The following KCNIP4 variants were observed in gnomAD, a reference collection of about 807,000 sequenced individuals.
KCNIP4 encodes potassium voltage-gated channel interacting protein 4.
Under a neutral mutation model 34.0 loss-of-function variants are expected in KCNIP4, and 12 were observed. The observed-to-expected ratio is 0.35, with a 90% CI of 0.23 to 0.57. The LOEUF is 0.57. KCNIP4 is among the 20% of genes least tolerant of loss of function. KCNIP4 has a pLI of 0.83. For synonymous variants in KCNIP4, 124 were observed against 102.2 expected (o/e 1.21, Z -1.29); for missense variants, 238 against 311.7 (o/e 0.76, Z 1.78).
chr4:20,939,465 C>T (rs1731412642), intron 1 of KCNIP4, among the ~76,000 whole-genome samples: 1 of 152,010 alleles, frequency 6.6e-6, no homozygotes, highest in Admixed American at 6.6e-5. Context: ...CCTCTGCCTC[C>T]CAGGTTCAAG....
intron 1 of KCNIP4, among the ~76,000 whole-genome samples, chr4:21,384,612 C>T (rs781227850): frequency 3.3e-5 from 5 of 152,212 alleles, no homozygotes; most frequent in African/African-American, 9.7e-5. Context: ...TGTAAGAACA[C>T]ATTGAACATT....
intron 1 of KCNIP4, among the ~76,000 whole-genome samples, chr4:21,466,728 C>G (rs1729973056): frequency 6.6e-6 from 1 of 152,124 alleles, no homozygotes; most frequent in South Asian, 2.1e-4. Context: ...CAGATAACGT[C>G]TCCTAATGGG....
At chr4:21,736,983 G>A (rs1412080426) in intron 1 of KCNIP4, among the ~76,000 whole-genome samples, 1 of 152,050 alleles carries the variant, frequency 6.6e-6, no homozygotes, top group Non-Finnish European at 1.5e-5. Flanking sequence ...TGAGAATGAT[G>A]TTGTGCACAT....
At chr4:21,450,035 T>A (rs1728381611) in intron 1 of KCNIP4, among the ~76,000 whole-genome samples, 1 of 152,160 alleles carries the variant, frequency 6.6e-6, no homozygotes, top group Non-Finnish European at 1.5e-5. Flanking sequence ...TACAGAGTTA[T>A]TTCCTCTTCA....
At chr4:21,926,388 G>A (rs891222437) in intron 1 of KCNIP4, among the ~76,000 whole-genome samples, 1 of 152,236 alleles carries the variant, frequency 6.6e-6, no homozygotes, top group South Asian at 2.1e-4. Flanking sequence ...AGAGAGTTCA[G>A]TTTTCAGAGC....
chr4:20,808,368 G>A (rs1026587800), intron 3 of KCNIP4, among the ~76,000 whole-genome samples: 1 of 152,166 alleles, frequency 6.6e-6, no homozygotes, highest in African/African-American at 2.4e-5. Flanking sequence ...GACATAATTT[G>A]TCACAACCCA....
chr4:21,131,912 C>T (rs1306112409), intron 1 of KCNIP4, among the ~76,000 whole-genome samples: 2 of 152,132 alleles, frequency 1.3e-5, no homozygotes, highest in Non-Finnish European at 2.9e-5. Context: ...AAAGAATTTA[C>T]CTTCCAGGTA....
At chr4:21,372,431 GATGTGTATAT>G (rs1720550480) in intron 1 of KCNIP4, among the ~76,000 whole-genome samples, 1 of 81,592 alleles carries the variant, frequency 1.2e-5, no homozygotes, top group Non-Finnish European at 2.9e-5. Context: ...TATAGATATA[GATGTGTATAT>G]ATATGTGTGT....
chr4:21,654,147 C>A (rs1407948582), intron 1 of KCNIP4, among the ~76,000 whole-genome samples: 1 of 152,180 alleles, frequency 6.6e-6, no homozygotes, highest in Non-Finnish European at 1.5e-5. Context: ...CTAATACTTT[C>A]TGCTCATTCA....
chr4:20,850,863 T>C, intron 2 of KCNIP4, 196 bp from the exon 3 acceptor site: 1 of 479,778 alleles, frequency 2.1e-6, no homozygotes, highest in Non-Finnish European at 3.5e-6. Flanking sequence ...TATATGATTT[T>C]TTTGCATATT....
At chr4:20,952,907 A>T (rs984316445) in intron 1 of KCNIP4, among the ~76,000 whole-genome samples, 1 of 152,234 alleles carries the variant, frequency 6.6e-6, no homozygotes, top group Non-Finnish European at 1.5e-5. Flanking sequence ...TTGCTCATAG[A>T]TGACACCGTC....
chr4:21,748,959 T>C (rs532770886), intron 1 of KCNIP4, among the ~76,000 whole-genome samples: 6 of 152,256 alleles, frequency 3.9e-5, no homozygotes, highest in African/African-American at 1.2e-4. Flanking sequence ...ATAACCACAG[T>C]ACAATACTGC....
intron 1 of KCNIP4, among the ~76,000 whole-genome samples, chr4:21,087,598 C>T (rs993010229): frequency 6.6e-6 from 1 of 152,078 alleles, no homozygotes; most frequent in African/African-American, 2.4e-5. Context: ...AGGTGACAGA[C>T]TCTTAATTAT....
intron 3 of KCNIP4, among the ~76,000 whole-genome samples, chr4:20,826,568 A>G (rs1408253033): frequency 6.6e-6 from 1 of 151,900 alleles, no homozygotes; most frequent in African/African-American, 2.4e-5. Flanking sequence ...CAGCCTGGAC[A>G]ACAGAGTGAG....
At chr4:21,299,121 T>C (rs1385458171) in intron 1 of KCNIP4, among the ~76,000 whole-genome samples, 2 of 152,148 alleles carry the variant, frequency 1.3e-5, no homozygotes, top group Non-Finnish European at 2.9e-5. Flanking sequence ...TTAAATAAGA[T>C]ATAGCCATAC....
intron 1 of KCNIP4, among the ~76,000 whole-genome samples, chr4:21,679,146 C>A (rs933551111): frequency 6.6e-6 from 1 of 152,178 alleles, no homozygotes; most frequent in African/African-American, 2.4e-5. Context: ...AAACAAATTT[C>A]TGTTGTTTAG....
intron 1 of KCNIP4, among the ~76,000 whole-genome samples, chr4:21,334,268 T>TG (rs1372633989): frequency 6.6e-6 from 1 of 151,896 alleles, no homozygotes; most frequent in African/African-American, 2.4e-5. Context: ...GATAGGGTCA[T>TG]GGGGGGAATA....
chr4:20,752,476 A>T (rs777489401), intron 4 of KCNIP4: 7 of 152,226 alleles, frequency 4.6e-5, no homozygotes, highest in Non-Finnish European at 1.0e-4. Context: ...TAGGCAAGCC[A>T]CTTTTATTTC....
intron 2 of KCNIP4, among the ~76,000 whole-genome samples, chr4:20,874,402 T>C (rs745475790): frequency 3.9e-5 from 6 of 152,140 alleles, no homozygotes; most frequent in African/African-American, 9.7e-5. Context: ...TTCAGTACAA[T>C]GTTAGTCTTC....
Sources: gnomAD v4.1 joint callset for allele counts (sites outside exome capture counted in the v4.1 genomes callset) on GRCh38, gnomAD v4.1.1 for gene constraint, MANE v1.5 for transcripts, NCBI Gene and HGNC (gene_info 2026-07-23, HGNC 2026-07-21) for gene names.